CTTNBP2: variants seen among roughly 807,000 people sequenced by gnomAD.
The protein encoded by CTTNBP2 is cortactin binding protein 2.
CTTNBP2 carries 108 observed loss-of-function variants against 156.9 expected under a neutral mutation model. The ratio of observed to expected loss-of-function variants is 0.69; its 90% CI spans 0.59 to 0.81. CTTNBP2 has a LOEUF of 0.81. Ranked by LOEUF, CTTNBP2 falls within the 30% of genes least tolerant of loss-of-function variation. The probability of loss-of-function intolerance (pLI) is 0.00; values close to 1 mark genes in which losing one functional copy is unlikely to be tolerated. For missense variants in CTTNBP2, 1,924 were observed against 2,035.4 expected (o/e 0.95, Z 1.05); for synonymous variants, 767 against 751.8 (o/e 1.02, Z -0.33).
chr7:117,819,290 G>A (rs1227971037), intron 2 of CTTNBP2, among the ~76,000 whole-genome samples: 16 of 151,214 alleles, frequency 1.1e-4, no homozygotes, highest in Admixed American at 1.3e-4. Flanking sequence ...ACTCATTCTC[G>A]CTCTAAGAGG....
rs1285973197 is a variant in CTTNBP2 at position 117,718,073 on chromosome 7, T to G, written c.4691A>C (p.Asn1564Thr). The stretch of plus-strand genomic sequence containing the variant: ...AATAGTTGCTGAAAGTACAGGGTTG[T>G]TTCCAGAACTATCAAACATCCTTAA... ...DDLRMFDSSG[N>T]NPVLSATINN... The change falls in exon 22 of 23, where the codon AAC becomes ACC. Residue 1564 changes from asparagine (N) to threonine (T), a missense_variant. By Grantham distance (65) the Asn-to-Thr change is moderately conservative. Transcript: ENST00000160373. 1 of 1,613,540 alleles carries G rather than the reference T, an allele frequency of 6.2e-7. No homozygotes were observed. Among genetic ancestry groups the G allele is most frequent in the African/African-American group, 1.3e-5 (1 of 74,922 alleles).
chr7:117,817,353 A>AT (rs1253854778), intron 2 of CTTNBP2, among the ~76,000 whole-genome samples: 1 of 36,210 alleles, frequency 2.8e-5, no homozygotes, highest in South Asian at 7.1e-4. Flanking sequence ...AAAAAAAAAA[A>AT]AAAAAAAAAT....
intron 2 of CTTNBP2, among the ~76,000 whole-genome samples, chr7:117,814,481 AGTGGCGT>A (rs1800465138): frequency 6.6e-6 from 1 of 152,186 alleles, no homozygotes; most frequent in African/African-American, 2.4e-5. Context: ...GCTGGAGTGC[AGTGGCGT>A]GATCACGGCT....
At chr7:117,849,245 TTA>T (rs1802784420) in intron 2 of CTTNBP2, among the ~76,000 whole-genome samples, 1 of 152,202 alleles carries the variant, frequency 6.6e-6, no homozygotes, top group South Asian at 2.1e-4. Context: ...TACACCAGCT[TTA>T]TGAGTGACCG....
At chr7:117,774,481 G>A (rs1234361139) in intron 8 of CTTNBP2, among the ~76,000 whole-genome samples, 1 of 152,142 alleles carries the variant, frequency 6.6e-6, no homozygotes, top group East Asian at 1.9e-4. Context: ...ATTCCTGTCT[G>A]AGCTCTGCCT....
chr7:117,804,557 T>C (rs1466496067), intron 3 of CTTNBP2, among the ~76,000 whole-genome samples: 2 of 152,184 alleles, frequency 1.3e-5, no homozygotes, highest in Non-Finnish European at 2.9e-5. Flanking sequence ...AAAGAAAATG[T>C]CGTACATATA....
At chr7:117,805,356 C>T (rs887242434) in intron 3 of CTTNBP2, among the ~76,000 whole-genome samples, 1 of 152,110 alleles carries the variant, frequency 6.6e-6, no homozygotes, top group African/African-American at 2.4e-5. Context: ...AGCAGGAGAT[C>T]TGAGTTCTAC....
At chr7:117,783,174 A>G (rs1798522605) in intron 5 of CTTNBP2, among the ~76,000 whole-genome samples, 1 of 149,432 alleles carries the variant, frequency 6.7e-6, no homozygotes, top group South Asian at 2.1e-4. Flanking sequence ...CAGATTCACT[A>G]AGATGCGTGT....
At chr7:117,845,667 A>G (rs889766107) in intron 2 of CTTNBP2, among the ~76,000 whole-genome samples, 3 of 152,184 alleles carry the variant, frequency 2.0e-5, no homozygotes, top group Non-Finnish European at 2.9e-5. Flanking sequence ...TTATAAGCAA[A>G]TACATTTGAC....
chr7:117,738,967 T>A (rs1435550520), intron 14 of CTTNBP2, among the ~76,000 whole-genome samples: 1 of 152,198 alleles, frequency 6.6e-6, no homozygotes, highest in Non-Finnish European at 1.5e-5. Flanking sequence ...CTGCTATACA[T>A]AACCATTGGG....
chr7:117,782,937 G>A lies in CTTNBP2; in HGVS notation c.2297C>T (p.Ala766Val). Residue 766 changes from alanine to valine, a missense_variant, in exon 6 of 23, where the codon GCA becomes GTA. Coordinates refer to ENST00000160373, the MANE Select transcript of CTTNBP2 (RefSeq NM_033427.3). Reference sequence around the variant, plus strand: ...ATCAGCAGCATTGACTTGGGCTTCTGCACTCAGCAGCAATCTCACACAGTC... The same window carrying A: ...ATCAGCAGCATTGACTTGGGCTTCTACACTCAGCAGCAATCTCACACAGTC... Reference protein sequence around the residue: ...HTDCVRLLLSAEAQVNAADKN... With the variant: ...HTDCVRLLLSVEAQVNAADKN... 2 of 1,613,844 alleles carry A rather than the reference G, an allele frequency of 1.2e-6. No homozygotes were observed. The highest frequency in any genetic ancestry group is 1.7e-6 in the Non-Finnish European group (2 of 1,179,754).
At chr7:117,857,237 T>C (rs1276137948) in intron 2 of CTTNBP2, among the ~76,000 whole-genome samples, 1 of 152,234 alleles carries the variant, frequency 6.6e-6, no homozygotes, top group East Asian at 1.9e-4. Context: ...TACATTTCAG[T>C]TAATCAGCTT....
At chr7:117,799,573 T>G (rs1799504125) in intron 3 of CTTNBP2, among the ~76,000 whole-genome samples, 1 of 152,096 alleles carries the variant, frequency 6.6e-6, no homozygotes, top group South Asian at 2.1e-4. Flanking sequence ...TGAAATATTT[T>G]TTCCCTAAGA....
In CTTNBP2 at chr7:117,772,201, G is replaced by C. The variant is rs1797833752; in HGVS notation, c.2779-5025C>G. ...ATGGCAATGTAAAGGGAAGCAGAGA[G>C]ACCGAACATGATGAGACCACAGCAG... On this transcript the variant is annotated intron_variant, in intron 8 of 22. Transcript: ENST00000160373. Among the ~76,000 whole-genome samples, 3 of 152,204 alleles carry C rather than the reference G, an allele frequency of 2.0e-5. No individual in the cohort carries two copies. In the South Asian group the frequency reaches 6.2e-4, roughly 32 times the overall value.
chr7:117,717,008 C>CAGA (rs1794434847), intron 22 of CTTNBP2, among the ~76,000 whole-genome samples: 1 of 654 alleles, frequency 1.5e-3, no homozygotes, highest in East Asian at 0.071. Context: ...CCCAAGGTGG[C>CAGA]TTACAATCAA....
chr7:117,772,342 G>A (rs897031424), intron 8 of CTTNBP2, among the ~76,000 whole-genome samples: 3 of 152,178 alleles, frequency 2.0e-5, no homozygotes, highest in African/African-American at 4.8e-5. Context: ...ATCTAGAGTT[G>A]TGTTGATCAT....
At chr7:117,818,681 A>G (rs1800769441) in intron 2 of CTTNBP2, among the ~76,000 whole-genome samples, 1 of 152,202 alleles carries the variant, frequency 6.6e-6, no homozygotes, top group Non-Finnish European at 1.5e-5. Flanking sequence ...AAGAACAACC[A>G]ATAGCAAAAG....
At chr7:117,787,404 G>A (rs1336815360) in intron 4 of CTTNBP2, among the ~76,000 whole-genome samples, 2 of 152,140 alleles carry the variant, frequency 1.3e-5, no homozygotes, top group African/African-American at 4.8e-5. Flanking sequence ...TTCAGAGGGT[G>A]GAGAAGGTTA....
intron 2 of CTTNBP2, among the ~76,000 whole-genome samples, chr7:117,821,704 T>C (rs1448939014): frequency 1.3e-5 from 2 of 151,492 alleles, no homozygotes; most frequent in Non-Finnish European, 2.9e-5. Flanking sequence ...TTCTCCTGAC[T>C]CAGCCTCCCG....
Sources: gnomAD v4.1 joint callset for allele counts (sites outside exome capture counted in the v4.1 genomes callset) on GRCh38, gnomAD v4.1.1 for gene constraint, MANE v1.5 for transcripts, NCBI Gene and HGNC (gene_info 2026-07-23, HGNC 2026-07-21) for gene names.